The following CMC1 variants were observed in gnomAD, a reference collection of about 807,000 sequenced individuals.
CMC1 encodes C-X9-C motif containing 1.
Under a neutral mutation model 14.1 loss-of-function variants are expected in CMC1, and 14 were observed. The observed-to-expected ratio is 0.99, with a 90% CI of 0.66 to 1.55. The LOEUF is 1.55. Ranked by LOEUF, CMC1 falls within the 40% of genes most tolerant of loss-of-function variation. The probability of loss-of-function intolerance (pLI) is 0.00; values close to 1 mark genes in which losing one functional copy is unlikely to be tolerated. For missense variants in CMC1, 127 were observed against 123.8 expected, an observed-to-expected ratio of 1.03 and a Z score of -0.12; for synonymous variants, 50 against 38.4, an observed-to-expected ratio of 1.30 and a Z score of -1.12.
intron 3 of CMC1, chr3:28,318,089 G>T (rs1703013703): frequency 6.6e-6 from 1 of 151,816 alleles, no homozygotes; most frequent in African/African-American, 2.4e-5. Flanking sequence ...CTAAGAAATA[G>T]TATTTATTCA....
In CMC1 at chr3:28,323,354, A is replaced by ATT. The variant is rs71626514; in HGVS notation, c.*3741_*3742dup. 290 of 132,844 alleles carry ATT rather than the reference A, an allele frequency of 2.2e-3. 4 individuals are homozygous for ATT. Among genetic ancestry groups the ATT allele is most frequent in the African/African-American group, 5.6e-3 (199 of 35,650 alleles). The allele number at this position is 132,844 out of a possible 1,614,324, so 8.2% of individuals were successfully genotyped here. A position where few individuals can be genotyped will look rare whatever the true frequency, so the allele number is the denominator to read the frequency against. On this transcript the variant is annotated 3_prime_UTR_variant, in exon 4 of 4. Transcript: ENST00000466830. ...CACCCCAGAGTTTTTCAACTATTTC[A>ATT]TTTTTTTTTTTTTTTTTCCCAATTA...
intron 2 of CMC1, among the ~76,000 whole-genome samples, chr3:28,299,833 GTC>G (rs1337516586): frequency 1.3e-5 from 2 of 152,040 alleles, no homozygotes; most frequent in Non-Finnish European, 2.9e-5. Context: ...TAAAAATAGA[GTC>G]TGTAACATTA....
At chr3:28,286,618 C>A (rs977281045) in intron 2 of CMC1, among the ~76,000 whole-genome samples, 8 of 152,128 alleles carry the variant, frequency 5.3e-5, no homozygotes, top group African/African-American at 1.9e-4. Context: ...GAATGTATTA[C>A]ATAATGATAT....
chr3:28,248,440 A>T (rs570010547), intron 1 of CMC1, among the ~76,000 whole-genome samples: 1 of 152,322 alleles, frequency 6.6e-6, no homozygotes, highest in East Asian at 1.9e-4. Context: ...ATGACATAAT[A>T]TGAGGTTTGA....
At position 28,316,227 on chromosome 3, in the gene CMC1, GGGTGACAGGCT is replaced by G. The variant is rs996989356; in HGVS notation, c.110-105_110-95del. 1.0e-5 allele frequency: 6 copies of G among 592,858 alleles called. No homozygotes were observed. The African/African-American group carries it at 1.1e-4, about 11-fold the overall frequency. The allele number at this position is 592,858 out of a possible 1,614,324, so 36.7% of individuals were successfully genotyped here. A position where few individuals can be genotyped will look rare whatever the true frequency, so the allele number is the denominator to read the frequency against. ...TAATCATGCCACTGCACTCCAGCCT[GGGTGACAGGCT>G]TTCTTTTTTTTTTTCTAAAAAGAAG... On this transcript the variant is annotated intron_variant, in intron 2 of 3. Transcript: ENST00000466830.
chr3:28,263,263 T>C (rs1194850303), intron 1 of CMC1, 28 bp from the exon 2 acceptor site: 1 of 1,522,746 alleles, frequency 6.6e-7, no homozygotes. Context: ...CTTGAGACTT[T>C]ATTAAAGAAA....
At chr3:28,310,363 T>G (rs1702577136) in intron 2 of CMC1, among the ~76,000 whole-genome samples, 1 of 152,232 alleles carries the variant, frequency 6.6e-6, no homozygotes, top group African/African-American at 2.4e-5. Flanking sequence ...CAGTAAGTAC[T>G]TTGAAAATGT....
chr3:28,307,120 A>G (rs913198672), intron 2 of CMC1, among the ~76,000 whole-genome samples: 7 of 152,308 alleles, frequency 4.6e-5, no homozygotes, highest in Admixed American at 2.6e-4. Flanking sequence ...GTACATTTCA[A>G]CACACAGATA....
intron 2 of CMC1, among the ~76,000 whole-genome samples, chr3:28,290,216 T>C (rs1701398411): frequency 2.7e-5 from 4 of 149,366 alleles, no homozygotes; most frequent in Admixed American, 1.3e-4. Flanking sequence ...ATAAATCCAG[T>C]GCTCATCACA....
chr3:28,293,682 A>G (rs1260451247), intron 2 of CMC1, among the ~76,000 whole-genome samples: 2 of 152,080 alleles, frequency 1.3e-5, no homozygotes, highest in Non-Finnish European at 2.9e-5. Context: ...CCTGGATTCA[A>G]GTGGTTTTTC....
At chr3:28,304,804 TA>T (rs1702227019) in intron 2 of CMC1, among the ~76,000 whole-genome samples, 1 of 152,230 alleles carries the variant, frequency 6.6e-6, no homozygotes, top group Non-Finnish European at 1.5e-5. Context: ...GAAAGTTTTA[TA>T]ACTTGGAATG....
intron 1 of CMC1, among the ~76,000 whole-genome samples, chr3:28,244,922 TA>T (rs1194826635): frequency 6.6e-6 from 1 of 151,268 alleles, no homozygotes. Context: ...TTTGTCTGTT[TA>T]AATTCCAGAA....
intron 2 of CMC1, among the ~76,000 whole-genome samples, chr3:28,309,770 T>G (rs1702525083): frequency 6.6e-6 from 1 of 151,706 alleles, no homozygotes; most frequent in South Asian, 2.1e-4. Context: ...ATTTTAACAT[T>G]GCCTACTGGT....
intron 2 of CMC1, among the ~76,000 whole-genome samples, chr3:28,272,230 G>T (rs990783474): frequency 6.6e-5 from 10 of 152,046 alleles, no homozygotes; most frequent in Admixed American, 5.2e-4. Flanking sequence ...TTGCCTGATT[G>T]CCCTGGCCAC....
intron 2 of CMC1, among the ~76,000 whole-genome samples, chr3:28,299,376 G>T (rs1701905667): frequency 6.6e-6 from 1 of 152,124 alleles, no homozygotes; most frequent in Non-Finnish European, 1.5e-5. Context: ...AGAATTAATT[G>T]AGTTGGAGGT....
chr3:28,318,601 G>T (rs9843464), intron 3 of CMC1: 1 of 151,582 alleles, frequency 6.6e-6, no homozygotes, highest in South Asian at 2.1e-4. Context: ...CCTTTTGCTC[G>T]TCCTACAACG....
intron 3 of CMC1, 67 bp from the exon 4 acceptor site, chr3:28,319,442 A>C (rs777033473): frequency 2.1e-5 from 28 of 1,365,552 alleles, no homozygotes; most frequent in Non-Finnish European, 2.8e-5. Context: ...ATTAGTAATT[A>C]AAGTAAGCTT....
At chr3:28,311,899 C>T (rs923418414) in intron 2 of CMC1, among the ~76,000 whole-genome samples, 3 of 152,140 alleles carry the variant, frequency 2.0e-5, no homozygotes, top group African/African-American at 7.2e-5. Flanking sequence ...AATTCAATAA[C>T]TGTTCAAAAG....
chr3:28,243,197 G>C (rs563232262), intron 1 of CMC1, among the ~76,000 whole-genome samples: 2 of 151,814 alleles, frequency 1.3e-5, no homozygotes, highest in African/African-American at 4.8e-5. Flanking sequence ...CTGGGATTAC[G>C]GGCGCCCGCC....
Sources: gnomAD v4.1 joint callset for allele counts (sites outside exome capture counted in the v4.1 genomes callset) on GRCh38, gnomAD v4.1.1 for gene constraint, MANE v1.5 for transcripts, NCBI Gene and HGNC (gene_info 2026-07-23, HGNC 2026-07-21) for gene names.